Variants in KCNJ14 observed in about 807,000 individuals in gnomAD.
KCNJ14 encodes potassium inwardly rectifying channel subfamily J member 14.
A neutral mutation model predicts 24.5 loss-of-function variants in KCNJ14; 18 were observed. The ratio of observed to expected loss-of-function variants is 0.74; its 90% confidence interval spans 0.51 to 1.09. KCNJ14 has a LOEUF of 1.09. Among genes scored for constraint, KCNJ14 ranks in the 50% least tolerant of loss-of-function variants. The probability of loss-of-function intolerance (pLI) is 0.00; values close to 1 mark genes in which losing one functional copy is unlikely to be tolerated. For synonymous variants in KCNJ14, 288 were observed against 270.8 expected (o/e 1.06, Z -0.63); for missense variants, 633 against 623.0 (o/e 1.02, Z -0.17).
In KCNJ14 at chr19:48,461,839, G is replaced by C; in HGVS notation, c.115G>C (p.Ala39Pro). 6.6e-7 allele frequency: 1 copy of C among 1,518,804 alleles called. No individual in the cohort carries two copies. Among genetic ancestry groups the C allele is most frequent in the East Asian group, 2.4e-5 (1 of 41,698 alleles). 94.1% of individuals were successfully genotyped at this position (1,518,804 alleles called of 1,614,324 possible). ...GTTGTGCCGCAACGGGTGGGCGCCG[G>C]CACCGGTGCAGTCACCCGTGGGCCG... The part of the protein sequence containing the change: ...PGLCRNGWAP[A>P]PVQSPVGRRR... The change falls in exon 2 of 3, where the codon GCA (alanine) becomes CCA (proline). Residue 39 changes from alanine to proline, a missense_variant. Transcript: ENST00000342291.
At chr19:48,460,044 T>C (rs1330436294) in intron 1 of KCNJ14, among the ~76,000 whole-genome samples, 1 of 151,698 alleles carries the variant, frequency 6.6e-6, no homozygotes, top group Admixed American at 6.6e-5. Context: ...AGTTATTTAG[T>C]TCTGATGCAA....
intron 1 of KCNJ14, among the ~76,000 whole-genome samples, chr19:48,459,033 G>C (rs1032350257): frequency 6.6e-5 from 10 of 150,780 alleles, no homozygotes; most frequent in East Asian, 3.9e-4. Flanking sequence ...GAGGTCAGGA[G>C]ATCGAGACCA....
intron 1 of KCNJ14, chr19:48,461,465 T>C (rs1971593926): frequency 2.9e-6 from 1 of 340,588 alleles, no homozygotes; most frequent in African/African-American, 2.2e-5. Context: ...GACGCGGAGA[T>C]TGCAGTAAGC....
At chr19:48,460,247 TA>T (rs751417518) in intron 1 of KCNJ14, among the ~76,000 whole-genome samples, 7,275 of 149,800 alleles carry the variant, frequency 0.049, 378 homozygotes, top group African/African-American at 0.13. Flanking sequence ...AAGTTTTATT[TA>T]TTTATTTTTT....
At chr19:48,463,416 T>G (rs1289009285) in intron 2 of KCNJ14, among the ~76,000 whole-genome samples, 2 of 152,074 alleles carry the variant, frequency 1.3e-5, no homozygotes, top group Non-Finnish European at 2.9e-5. Context: ...CCAGGATTCA[T>G]GAATAGGAGG....
intron 1 of KCNJ14, 130 bp from the exon 2 acceptor site, chr19:48,461,528 CAAAAAAAAAAAA>C: frequency 6.2e-6 from 1 of 161,424 alleles, no homozygotes; most frequent in Non-Finnish European, 9.9e-6. Context: ...ACTCTGTCTC[CAAAAAAAAAAAA>C]AAAAAAAAAA....
At position 48,460,251 on chromosome 19, in the gene KCNJ14, T is replaced by A. The variant is rs1971580709; in HGVS notation, c.-55-1419T>A. On this transcript the variant is annotated intron_variant, in intron 1 of 2. Transcript: ENST00000342291. ...TGGTCTTGGGGAAGTTTTATTTATT[T>A]ATTTTTTTTGAGACAGAGTTTCACT... 2.0e-5 allele frequency among the ~76,000 whole-genome samples: 3 copies of A among 150,530 alleles called. No individual in the cohort carries two copies. In the South Asian group the frequency reaches 6.2e-4, roughly 31 times the overall value.
intron 2 of KCNJ14, among the ~76,000 whole-genome samples, chr19:48,463,804 G>A (rs984285550): frequency 1.3e-5 from 2 of 152,014 alleles, no homozygotes; most frequent in African/African-American, 2.4e-5. Flanking sequence ...TGATTTCTGT[G>A]TCTCTATGCC....
At chr19:48,457,878 G>T (rs1283024800) in intron 1 of KCNJ14, among the ~76,000 whole-genome samples, 3 of 151,958 alleles carry the variant, frequency 2.0e-5, no homozygotes, top group Admixed American at 2.0e-4. Flanking sequence ...TGGAGACGGG[G>T]TTTCACCATG....
At chr19:48,463,415 A>G (rs1971621985) in intron 2 of KCNJ14, among the ~76,000 whole-genome samples, 1 of 152,152 alleles carries the variant, frequency 6.6e-6, no homozygotes, top group African/African-American at 2.4e-5. Context: ...ACCAGGATTC[A>G]TGAATAGGAG....
rs1569083709 is a variant in KCNJ14, at chr19:48,462,091, C to T, written c.367C>T (p.Pro123Ser). 4 of 1,602,448 alleles carry T rather than the reference C, an allele frequency of 2.5e-6. No individual in the cohort carries two copies. Among genetic ancestry groups the T allele is most frequent in the Non-Finnish European group, 3.4e-6 (4 of 1,176,256 alleles). Residue 123 changes from proline to serine, a missense_variant, in exon 2 of 3, where the codon CCG (proline) becomes TCG (serine). Physicochemically the swap from Pro to Ser is moderately conservative, Grantham distance 74. Coordinates refer to ENST00000342291, the MANE Select transcript of KCNJ14 (RefSeq NM_013348.4). This position sits in a 1 kb window ranked among gnomAD's most constrained non-coding sequence, Gnocchi z 4.9. ...GCACGGCGACCTGGCCGCCCCGCCA[C>T]CGCCCGCGCCCTGCTTCTCACACGT... The part of the protein sequence containing the change: ...SLHGDLAAPP[P>S]PAPCFSHVAS...
chr19:48,461,430 A>C (rs995180373), intron 1 of KCNJ14: 18 of 282,566 alleles, frequency 6.4e-5, no homozygotes, highest in African/African-American at 4.0e-4. Flanking sequence ...CAGGAGGTTG[A>C]GACAGGAGAA....
chr19:48,455,983 C>T (rs901520227), intron 1 of KCNJ14, 125 bp downstream of exon 1: 1 of 152,300 alleles, frequency 6.6e-6, no homozygotes, highest in Non-Finnish European at 1.5e-5. Context: ...GTTTGTCACT[C>T]GGGCCGTGGC....
Position 48,464,553 on chromosome 19 carries a change from G to C in KCNJ14, c.1087G>C (p.Ala363Pro), listed in dbSNP as rs149567009. ...GGTCCCAGGGACACCGGTCTGCAGT[G>C]CTAAGGAGCTGGATGAACGGGCAGA... ...YEVPGTPVCSAKELDERAEQA... is the reference protein window; with the variant it reads ...YEVPGTPVCSPKELDERAEQA... The change falls in exon 3 of 3, where the codon GCT becomes CCT. Residue 363 changes from alanine (A) to proline (P), a missense_variant. Ala to Pro is a conservative substitution (Grantham distance 27). Transcript: ENST00000342291. 2.3e-4 allele frequency: 371 copies of C among 1,614,042 alleles called. No homozygotes were observed. Among genetic ancestry groups the C allele is most frequent in the Non-Finnish European group, 2.8e-4 (335 of 1,180,042 alleles).
intron 1 of KCNJ14, among the ~76,000 whole-genome samples, chr19:48,459,587 C>A (rs138922885): frequency 6.6e-6 from 1 of 152,058 alleles, no homozygotes; most frequent in African/African-American, 2.4e-5. Context: ...GTAGAGCAAG[C>A]CCCTTGCTAT....
In KCNJ14 at chr19:48,464,419, C is replaced by G; in HGVS notation, c.953C>G (p.Ser318Trp). The change falls in exon 3 of 3, where the codon TCG (serine) becomes TGG (tryptophan). Residue 318 changes from serine to tryptophan, a missense_variant. Physicochemically the swap from Ser to Trp is radical, Grantham distance 177. Transcript: ENST00000342291. ...ACAGCCATGACCACACAGTGTCGCTCGTCCTACCTCCCTGGTGAACTGCTC... is the reference window on the plus strand; with the variant it reads ...ACAGCCATGACCACACAGTGTCGCTGGTCCTACCTCCCTGGTGAACTGCTC... ...EATAMTTQCR[S>W]SYLPGELLWG... 1 of 1,613,546 alleles carries G rather than the reference C, an allele frequency of 6.2e-7. No homozygotes were observed. Among genetic ancestry groups the G allele is most frequent in the Non-Finnish European group, 8.5e-7 (1 of 1,179,828 alleles).
intron 1 of KCNJ14, 99 bp downstream of exon 1, chr19:48,455,957 T>C (rs1971534648): frequency 6.6e-6 from 1 of 152,174 alleles, no homozygotes; most frequent in South Asian, 2.1e-4. Flanking sequence ...ACCAGAGTGC[T>C]CTTGAGAAGA....
rs1971631753 is a variant in KCNJ14, at chr19:48,464,261, T to C, written c.795T>C (p.Arg265=). 4.3e-6 allele frequency: 7 copies of C among 1,614,078 alleles called. No homozygotes were observed. In the East Asian group the frequency reaches 1.3e-4, roughly 31 times the overall value. The change falls in exon 3 of 3, where the codon CGT becomes CGC. Residue 265 remains arginine, a synonymous_variant. Coordinates refer to ENST00000342291, the MANE Select transcript of KCNJ14 (RefSeq NM_013348.4). ...TGGGCTTTGATGGAGGCACCGATCG[T>C]ATCTTCCTCGTGTCCCCCATCACCA... ...VDVGFDGGTD[R]IFLVSPITIV...
chr19:48,455,626 G>A lies in KCNJ14; in HGVS notation c.-288G>A, dbSNP rs1971530097. 6.6e-6 allele frequency: 1 copy of A among 152,260 alleles called. No homozygotes were observed. The highest frequency in any genetic ancestry group is 6.5e-5 in the Admixed American group (1 of 15,282). 9.4% of individuals were successfully genotyped at this position (152,260 alleles called of 1,614,324 possible). On this transcript the variant is annotated 5_prime_UTR_variant, in exon 1 of 3. In the 5' UTR this introduces an upstream ATG that the reference lacks. Coordinates refer to ENST00000342291, the MANE Select transcript of KCNJ14 (RefSeq NM_013348.4). The stretch of plus-strand genomic sequence containing the variant: ...CATGTTGGCCGCAGATGGCCCCCTG[G>A]TGAAGGTTCCCGTTGGCTTTGGGAA...
Sources: allele counts gnomAD v4.1 joint callset (sites outside exome capture counted in the v4.1 genomes callset), GRCh38; gene constraint gnomAD v4.1.1; non-coding constraint Gnocchi (gnomAD v3.1); transcripts MANE v1.5; gene names NCBI Gene and HGNC (gene_info 2026-07-23, HGNC 2026-07-21).